The following FNBP1 variants were observed in gnomAD, a reference collection of about 807,000 sequenced individuals.
FNBP1 encodes formin binding protein 1.
A neutral mutation model predicts 90.6 loss-of-function variants in FNBP1; 26 were observed. The observed-to-expected ratio is 0.29, with a 90% CI of 0.21 to 0.40. The LOEUF (loss-of-function observed/expected upper bound fraction) is 0.40, where lower values mean the gene tolerates loss of function less well. FNBP1 is among the 10% of genes least tolerant of loss of function. The pLI, the probability that FNBP1 is intolerant of heterozygous loss-of-function variation, is 1.00. For synonymous variants in FNBP1, 260 were observed against 265.2 expected (o/e 0.98, Z 0.19); for missense variants, 635 against 768.0 (o/e 0.83, Z 2.05).
chr9:130,037,267 T>G (rs556247776), intron 1 of FNBP1, among the ~76,000 whole-genome samples: 1 of 151,660 alleles, frequency 6.6e-6, no homozygotes, highest in African/African-American at 2.4e-5. Context: ...GGCATGAGAA[T>G]CACTTGAACC....
At chr9:130,020,291 C>T (rs1429048904) in intron 1 of FNBP1, among the ~76,000 whole-genome samples, 1 of 152,146 alleles carries the variant, frequency 6.6e-6, no homozygotes, top group Non-Finnish European at 1.5e-5. Flanking sequence ...CACTGCTTAC[C>T]TCTGCCTCCA....
At chr9:129,896,078 G>A (rs1469800254) in intron 15 of FNBP1, 82 bp from the exon 16 acceptor site, 1 of 1,423,708 alleles carries the variant, frequency 7.0e-7, no homozygotes, top group East Asian at 2.3e-5. Context: ...AATGAAACAA[G>A]TGTCGTCGAA....
intron 10 of FNBP1, among the ~76,000 whole-genome samples, chr9:129,923,272 A>G (rs1588572015): frequency 6.6e-6 from 1 of 152,166 alleles, no homozygotes; most frequent in East Asian, 1.9e-4. Context: ...AAGTCCTTCC[A>G]AAATGTACTA....
At chr9:130,012,352 T>C (rs2056720082) in intron 1 of FNBP1, among the ~76,000 whole-genome samples, 1 of 152,144 alleles carries the variant, frequency 6.6e-6, no homozygotes, top group Non-Finnish European at 1.5e-5. Context: ...GCCTGGCACA[T>C]GGTAAGCCCT....
chr9:129,955,376 G>A (rs2046773102), intron 6 of FNBP1, among the ~76,000 whole-genome samples: 2 of 151,784 alleles, frequency 1.3e-5, no homozygotes, highest in South Asian at 4.2e-4. Context: ...TGGGACCACA[G>A]ACATGGGCTA....
In FNBP1 at chr9:129,900,007, G is replaced by C; in HGVS notation, c.1645C>G (p.Leu549Val). The change falls in exon 15 of 17, where the codon CTC becomes GTC. Residue 549 changes from leucine to valine, a missense_variant. Coordinates refer to ENST00000446176, the MANE Select transcript of FNBP1 (RefSeq NM_015033.3). The surrounding 1 kb of genome is among the most constrained non-coding windows in gnomAD (Gnocchi z 4.1). ...FDDEFDDEEP[L>V]PAIGTCKALY... ...GCTTTGCACGTCCCTATGGCAGGGA[G>C]GGGCTCCTCATCATCAAACTCGTCG... 1 of 1,613,312 alleles carries C rather than the reference G, an allele frequency of 6.2e-7. No homozygotes were observed. Among genetic ancestry groups the C allele is most frequent in the Non-Finnish European group, 8.5e-7 (1 of 1,179,572 alleles).
intron 10 of FNBP1, among the ~76,000 whole-genome samples, chr9:129,923,489 G>C (rs1242703147): frequency 1.3e-5 from 2 of 151,314 alleles, no homozygotes; most frequent in Non-Finnish European, 2.9e-5. Flanking sequence ...CGAGGCAGGA[G>C]AATCGCTTAA....
intron 12 of FNBP1, among the ~76,000 whole-genome samples, chr9:129,904,714 T>C (rs2037645674): frequency 6.6e-6 from 1 of 152,110 alleles, no homozygotes; most frequent in African/African-American, 2.4e-5. Flanking sequence ...TCTTCCTTAT[T>C]TCCTTCCTGC....
Position 130,019,715 on chromosome 9 carries a change from T to C in FNBP1, c.24+23237A>G, listed in dbSNP as rs78042957. Among the ~76,000 whole-genome samples, 46 of 152,352 alleles carry C rather than the reference T, an allele frequency of 3.0e-4. 1 individual carries two copies. The East Asian group carries it at 8.9e-3, about 29-fold the overall frequency. On this transcript the variant is annotated intron_variant, in intron 1 of 16. Transcript: ENST00000446176. ...AGAGAGAAACCTCATTTTTTTCAAG[T>C]GGTCAAATGCATAATGCTTATTTTA... is the stretch of plus-strand genomic sequence containing the variant.
chr9:129,979,292 A>T, intron 3 of FNBP1, 26 bp downstream of exon 3: 1 of 1,458,634 alleles, frequency 6.9e-7, no homozygotes, highest in Non-Finnish European at 9.6e-7. Context: ...TGTCTATTAC[A>T]AGACAATTTT....
At chr9:129,928,889 G>T (rs900387672) in intron 7 of FNBP1, among the ~76,000 whole-genome samples, 8 of 151,962 alleles carry the variant, frequency 5.3e-5, no homozygotes, top group African/African-American at 1.9e-4. Flanking sequence ...CCAGGAATTT[G>T]AGACCATCCT....
chr9:129,972,507 A>G (rs1347126115), intron 4 of FNBP1, among the ~76,000 whole-genome samples: 1 of 150,848 alleles, frequency 6.6e-6, no homozygotes, highest in Non-Finnish European at 1.5e-5. Flanking sequence ...TGCTCACAGA[A>G]GGCCTAAACA....
At chr9:129,939,820 A>T (rs1331082494) in intron 6 of FNBP1, among the ~76,000 whole-genome samples, 2 of 152,304 alleles carry the variant, frequency 1.3e-5, no homozygotes, top group East Asian at 3.9e-4. Flanking sequence ...AATAATATAA[A>T]TGCACAAGGA....
intron 8 of FNBP1, among the ~76,000 whole-genome samples, chr9:129,926,458 A>T (rs1021097877): frequency 6.6e-6 from 1 of 152,166 alleles, no homozygotes; most frequent in South Asian, 2.1e-4. Flanking sequence ...CAATGTGTGG[A>T]GACATTTTTG....
intron 6 of FNBP1, among the ~76,000 whole-genome samples, chr9:129,952,509 A>C (rs2046339687): frequency 6.6e-6 from 1 of 152,192 alleles, no homozygotes; most frequent in Non-Finnish European, 1.5e-5. Context: ...AGAAAAAAAC[A>C]AACAAAAAAC....
intron 4 of FNBP1, among the ~76,000 whole-genome samples, chr9:129,962,554 G>A (rs1187496443): frequency 6.6e-6 from 1 of 152,210 alleles, no homozygotes; most frequent in Non-Finnish European, 1.5e-5. Context: ...GAAAGGCTGG[G>A]AAGGCAGAGA....
At chr9:130,048,045 C>G (rs544291294), upstream of FNBP1, among the ~76,000 whole-genome samples, 1 of 151,902 alleles carries the variant, frequency 6.6e-6, no homozygotes, top group South Asian at 2.1e-4. Context: ...CTTGGCCAGA[C>G]GCAGTGGCTC....
At chr9:129,907,044 C>A (rs532685248) in intron 12 of FNBP1, among the ~76,000 whole-genome samples, 1 of 151,440 alleles carries the variant, frequency 6.6e-6, no homozygotes, top group Non-Finnish European at 1.5e-5. Flanking sequence ...TCCCAAAGTG[C>A]TGGGATTACA....
At chr9:129,964,455 A>C (rs951542637) in intron 4 of FNBP1, among the ~76,000 whole-genome samples, 3 of 152,124 alleles carry the variant, frequency 2.0e-5, no homozygotes, top group Non-Finnish European at 2.9e-5. Context: ...AACAAACAAA[A>C]AAACCCAAAC....
Sources: gnomAD v4.1 joint callset for allele counts (sites outside exome capture counted in the v4.1 genomes callset) on GRCh38, gnomAD v4.1.1 for gene constraint, Gnocchi (gnomAD v3.1) non-coding constraint, MANE v1.5 for transcripts, NCBI Gene and HGNC (gene_info 2026-07-23, HGNC 2026-07-21) for gene names.